WIZ: variants seen among roughly 807,000 people sequenced by gnomAD.
The protein encoded by WIZ is WIZ zinc finger, also known as protein Wiz.
In WIZ, 25 loss-of-function variants were observed where a neutral mutation model predicts 140.2. The observed-to-expected ratio is 0.18, with a 90% CI of 0.13 to 0.25. The LOEUF is 0.25. Ranked by LOEUF, WIZ falls within the 10% of genes least tolerant of loss-of-function variation. WIZ has a pLI of 1.00. For synonymous variants in WIZ, 1,125 were observed against 1,154.3 expected (o/e 0.97, Z 0.51); for missense variants, 2,231 against 2,632.6 (o/e 0.85, Z 3.34).
rs763410088 is a variant in WIZ at position 15,428,797 on chromosome 19, G to A, written c.3416-289C>T. ...CCTCTCCCCTAGGATCCCTGCTATG[G>A]GAGCTATTTGGGGGCGATGGTGGCT... On this transcript the variant is annotated intron_variant, in intron 7 of 12. Coordinates refer to ENST00000673675, the MANE Select transcript of WIZ (RefSeq NM_001371589.1). This position sits in a 1 kb window ranked among gnomAD's most constrained non-coding sequence, Gnocchi z 6.4. 1.3e-4 allele frequency among the ~76,000 whole-genome samples: 20 copies of A among 152,148 alleles called. No homozygotes were observed. The highest frequency in any genetic ancestry group is 4.1e-4 in the South Asian group (2 of 4,834).
chr19:15,448,041 C>T (rs764506644), intron 2 of WIZ, 62 bp downstream of exon 2: 10 of 1,588,712 alleles, frequency 6.3e-6, no homozygotes, highest in African/African-American at 2.7e-5. Flanking sequence ...TGACTTGACT[C>T]TCTCTGAGCC....
rs1420221180 is a variant in WIZ at position 15,428,083 on chromosome 19, G to A, written c.3814+27C>T. Reference sequence around the variant, plus strand: ...GAGGGGCTCCAGGGCCCGCAGTGAGGAGGGGGCAGCTGAAGCGAGAACCTA... The same window carrying A: ...GAGGGGCTCCAGGGCCCGCAGTGAGAAGGGGGCAGCTGAAGCGAGAACCTA... On this transcript the variant is annotated intron_variant, in intron 8 of 12. Transcript: ENST00000673675. The surrounding 1 kb of genome is among the most constrained non-coding windows in gnomAD (Gnocchi z 6.4). 2 of 1,532,376 alleles carry A rather than the reference G, an allele frequency of 1.3e-6. No individual in the cohort carries two copies. The highest frequency in any genetic ancestry group is 1.7e-6 in the Non-Finnish European group (2 of 1,146,122). 94.9% of individuals were successfully genotyped at this position (1,532,376 alleles called of 1,614,324 possible). A position where few individuals can be genotyped will look rare whatever the true frequency, so the allele number is the denominator to read the frequency against.
rs1337618853 is a variant in WIZ, at chr19:15,427,640, G to C, written c.3815-107C>G. 1.6e-5 allele frequency: 20 copies of C among 1,273,812 alleles called. No homozygotes were observed. The highest frequency in any genetic ancestry group is 2.1e-5 in the Non-Finnish European group (20 of 942,254). The allele number at this position is 1,273,812 out of a possible 1,614,324, so 78.9% of individuals were successfully genotyped here. On this transcript the variant is annotated intron_variant, in intron 8 of 12. Coordinates refer to ENST00000673675, the MANE Select transcript of WIZ (RefSeq NM_001371589.1). This position sits in a 1 kb window ranked among gnomAD's most constrained non-coding sequence, Gnocchi z 6.4. ...CGTGGGCGGCAGCAGCACGCCCACAGGTTAGGGTGGTGAGGGCAGGTGCAG... is the reference window on the plus strand; with the variant it reads ...CGTGGGCGGCAGCAGCACGCCCACACGTTAGGGTGGTGAGGGCAGGTGCAG...
In WIZ at chr19:15,428,526, AG is replaced by A. The variant is rs1039708825; in HGVS notation, c.3416-19del. 1 of 1,514,888 alleles carries A rather than the reference AG, an allele frequency of 6.6e-7. No homozygotes were observed. The highest frequency in any genetic ancestry group is 8.8e-7 in the Non-Finnish European group (1 of 1,134,822). 93.8% of individuals were successfully genotyped at this position (1,514,888 alleles called of 1,614,324 possible). On this transcript the variant is annotated intron_variant, in intron 7 of 12. Transcript: ENST00000673675. This position sits in a 1 kb window ranked among gnomAD's most constrained non-coding sequence, Gnocchi z 6.4. ...ATCTAAAGCTGCGGAGACAAAACAC[AG>A]GGGGGGTTCACGGCCGCCACCTTGG...
intron 4 of WIZ, among the ~76,000 whole-genome samples, chr19:15,437,488 C>A (rs547859632): frequency 6.6e-6 from 1 of 152,190 alleles, no homozygotes; most frequent in Non-Finnish European, 1.5e-5. Flanking sequence ...CATAGTGAGA[C>A]CCCATCTCTA....
intron 9 of WIZ, 29 bp from the exon 10 acceptor site, chr19:15,425,797 A>G: frequency 1.1e-6 from 1 of 912,832 alleles, no homozygotes; most frequent in South Asian, 1.7e-5. Flanking sequence ...AGGGGGAAGG[A>G]GGAGGAGGAG....
Position 15,424,547 on chromosome 19 carries a change from G to C in WIZ, c.5314+66C>G, listed in dbSNP as rs1316654337. On this transcript the variant is annotated intron_variant, in intron 11 of 12. Coordinates refer to ENST00000673675, the MANE Select transcript of WIZ (RefSeq NM_001371589.1). This position sits in a 1 kb window ranked among gnomAD's most constrained non-coding sequence, Gnocchi z 9.7. ...CTTAAGGGCCACAGCAGAGCGCCTGGGGAGTGGCTGGGTGGGCCTGACAGG... is the reference window on the plus strand; with the variant it reads ...CTTAAGGGCCACAGCAGAGCGCCTGCGGAGTGGCTGGGTGGGCCTGACAGG... 2 of 1,533,966 alleles carry C rather than the reference G, an allele frequency of 1.3e-6. No homozygotes were observed. Among genetic ancestry groups the C allele is most frequent in the Non-Finnish European group, 1.7e-6 (2 of 1,145,766 alleles).
chr19:15,430,960 G>A, intron 6 of WIZ, 52 bp downstream of exon 6: 1 of 1,476,254 alleles, frequency 6.8e-7, no homozygotes, highest in Non-Finnish European at 9.0e-7. Flanking sequence ...GTGCTCCTGT[G>A]AGTGTAACCA....
Position 15,439,131 on chromosome 19 carries a change from C to T in WIZ, c.1863G>A (p.Glu621=), listed in dbSNP as rs1364766940. ...RPWSEEEEEE[E]EEEDVVLTSE... ...AGGTCAGCACTACATCCTCCTCCTC[C>T]TCCTCCTCCTCCTCCTCTTCGCTCC... Residue 621 remains glutamate (E), a synonymous_variant, in exon 4 of 13, where the codon GAG becomes GAA. Coordinates refer to ENST00000673675, the MANE Select transcript of WIZ (RefSeq NM_001371589.1). The surrounding 1 kb of genome is among the most constrained non-coding windows in gnomAD (Gnocchi z 7.0). 6 of 1,001,808 alleles carry T rather than the reference C, an allele frequency of 6.0e-6. No homozygotes were observed. Among genetic ancestry groups the T allele is most frequent in the Admixed American group, 2.7e-5 (1 of 37,202 alleles). The allele number at this position is 1,001,808 out of a possible 1,614,324, so 62.1% of individuals were successfully genotyped here. A position where few individuals can be genotyped will look rare whatever the true frequency, so the allele number is the denominator to read the frequency against.
At chr19:15,449,720 C>G (rs1356497058) in intron 1 of WIZ, 78 bp downstream of exon 1, 1 of 144,430 alleles carries the variant, frequency 6.9e-6, no homozygotes, top group East Asian at 2.1e-4. Flanking sequence ...CCGCCTGGCC[C>G]GGCCCGGCCC....
In WIZ at chr19:15,428,048, C is replaced by CG; in HGVS notation, c.3814+61_3814+62insC. ...CCCCAGCAGGGAGGGGGCTGTGACC[C>CG]CCCCCCCGGGAGGGGCTCCAGGGCC... On this transcript the variant is annotated intron_variant, in intron 8 of 12. Coordinates refer to ENST00000673675, the MANE Select transcript of WIZ (RefSeq NM_001371589.1). The surrounding 1 kb of genome is among the most constrained non-coding windows in gnomAD (Gnocchi z 6.4). 1 of 1,513,714 alleles carries CG rather than the reference C, an allele frequency of 6.6e-7. No individual in the cohort carries two copies. The highest frequency in any genetic ancestry group is 8.8e-7 in the Non-Finnish European group (1 of 1,138,006). 93.8% of individuals were successfully genotyped at this position (1,513,714 alleles called of 1,614,324 possible). A position where few individuals can be genotyped will look rare whatever the true frequency, so the allele number is the denominator to read the frequency against.
At chr19:15,436,534 C>T (rs775660122) in intron 5 of WIZ, 124 of 429,374 alleles carry the variant, frequency 2.9e-4, no homozygotes, top group Non-Finnish European at 4.4e-4. Flanking sequence ...TGCCTGGCTC[C>T]CAGTAAAAGC....
At position 15,436,995 on chromosome 19, in the gene WIZ, T is replaced by C. The variant is rs755617299; in HGVS notation, c.2551A>G (p.Thr851Ala). 2.2e-5 allele frequency: 36 copies of C among 1,613,522 alleles called. No individual in the cohort carries two copies. The highest frequency in any genetic ancestry group is 2.7e-5 in the Non-Finnish European group (32 of 1,179,780). Residue 851 changes from threonine to alanine, a missense_variant, in exon 5 of 13, where the codon ACT (threonine) becomes GCT (alanine). This residue lies in a region of WIZ where 118 missense variants were observed against 209.1 expected (regional missense o/e 0.56). Transcript: ENST00000673675. ...RDFGITNWEL[T>A]VSPINILQEL... Reference sequence around the variant, plus strand: ...TGCAGGATGTTGATGGGTGAGACAGTGAGCTCCCAGTTGGTGATACCGAAG... The same window carrying C: ...TGCAGGATGTTGATGGGTGAGACAGCGAGCTCCCAGTTGGTGATACCGAAG...
chr19:15,440,175 A>G lies in WIZ; in HGVS notation c.819T>C (p.Ser273=). 2.0e-6 allele frequency: 3 copies of G among 1,532,252 alleles called. No individual in the cohort carries two copies. Among genetic ancestry groups the G allele is most frequent in the Non-Finnish European group, 2.6e-6 (3 of 1,145,188 alleles). The allele number at this position is 1,532,252 out of a possible 1,614,324, so 94.9% of individuals were successfully genotyped here. ...TQTWTVNSEA[S]VERLQPLLPP... ...GCAGTAGCGGCTGCAGCCGCTCCAC[A>G]GAAGCCTCCGAGTTCACTGTCCAGG... Residue 273 remains serine, a synonymous_variant, in exon 4 of 13, where the codon TCT becomes TCC. Coordinates refer to ENST00000673675, the MANE Select transcript of WIZ (RefSeq NM_001371589.1). The surrounding 1 kb of genome is among the most constrained non-coding windows in gnomAD (Gnocchi z 6.2).
At chr19:15,434,751 A>T (rs1218030358) in intron 5 of WIZ, among the ~76,000 whole-genome samples, 4 of 152,152 alleles carry the variant, frequency 2.6e-5, no homozygotes, top group Non-Finnish European at 2.9e-5. Flanking sequence ...AGGCTGTGCA[A>T]GACTGGGCCC....
At chr19:15,441,160 C>T (rs540941807) in intron 3 of WIZ, among the ~76,000 whole-genome samples, 5 of 152,280 alleles carry the variant, frequency 3.3e-5, no homozygotes, top group East Asian at 1.9e-4. Context: ...CCAGATTTGG[C>T]GATTAACTTT....
At chr19:15,431,334 A>G (rs1375253149) in intron 5 of WIZ, among the ~76,000 whole-genome samples, 152 bp from the exon 6 acceptor site, 2 of 152,204 alleles carry the variant, frequency 1.3e-5, no homozygotes, top group African/African-American at 2.4e-5. Flanking sequence ...CATAACCCCC[A>G]GCACCAGTCC....
chr19:15,448,423 G>C, intron 1 of WIZ, 56 bp from the exon 2 acceptor site: 1 of 1,327,840 alleles, frequency 7.5e-7, no homozygotes, highest in Non-Finnish European at 1.0e-6. Flanking sequence ...ATCTGCCTCA[G>C]TTTCCCATCC....
chr19:15,448,431 T>C, intron 1 of WIZ, 64 bp from the exon 2 acceptor site: 1 of 1,281,116 alleles, frequency 7.8e-7, no homozygotes, highest in East Asian at 2.5e-5. Flanking sequence ...CAGTTTCCCA[T>C]CCCTCAAAAC....
Sources: allele counts gnomAD v4.1 joint callset (sites outside exome capture counted in the v4.1 genomes callset), GRCh38; gene constraint gnomAD v4.1.1; regional missense constraint gnomAD v4.1.1; non-coding constraint Gnocchi (gnomAD v3.1); transcripts MANE v1.5; gene names NCBI Gene and HGNC (gene_info 2026-07-23, HGNC 2026-07-21).